Variants in PRKCE observed in about 807,000 individuals in gnomAD.
PRKCE encodes the protein protein kinase C epsilon type.
In PRKCE, 16 loss-of-function variants were observed where a neutral mutation model predicts 85.4. That is an observed-to-expected ratio of 0.19 (90% CI 0.13 to 0.28). PRKCE has a LOEUF of 0.28. PRKCE is among the 10% of genes least tolerant of loss of function. PRKCE has a pLI of 1.00. For missense variants in PRKCE, 573 were observed against 975.2 expected (o/e 0.59, Z 5.49); for synonymous variants, 388 against 371.5 (o/e 1.04, Z -0.51).
intron 1 of PRKCE, among the ~76,000 whole-genome samples, chr2:45,658,714 G>A (rs958302208): frequency 6.6e-6 from 1 of 152,214 alleles, no homozygotes; most frequent in Non-Finnish European, 1.5e-5. Context: ...AATATTTGAA[G>A]AGTCATTTGT....
intron 1 of PRKCE, among the ~76,000 whole-genome samples, chr2:45,762,309 A>G (rs919269993): frequency 2.0e-5 from 3 of 152,158 alleles, no homozygotes; most frequent in African/African-American, 7.2e-5. Context: ...GGGTCTCACT[A>G]TGCTGGGAAA....
chr2:45,718,037 G>C (rs551907915), intron 1 of PRKCE, among the ~76,000 whole-genome samples: 1 of 152,338 alleles, frequency 6.6e-6, no homozygotes, highest in Non-Finnish European at 1.5e-5. Context: ...AATTTACCAA[G>C]GTTCTCAGCT....
At chr2:46,050,251 T>C (rs1018284913) in intron 10 of PRKCE, among the ~76,000 whole-genome samples, 1 of 152,236 alleles carries the variant, frequency 6.6e-6, no homozygotes, top group South Asian at 2.1e-4. Context: ...TAATTTCTTA[T>C]GAGCCCTTTG....
In PRKCE at chr2:45,950,374, T is replaced by C. The variant is rs573821225; in HGVS notation, c.413-26055T>C. Among the ~76,000 whole-genome samples, 4 of 152,362 alleles carry C rather than the reference T, an allele frequency of 2.6e-5. No homozygotes were observed. The East Asian group carries it at 7.7e-4, about 29-fold the overall frequency. ...GGGACATCAGCCAATCTCTGGTCTT[T>C]AGGAGAATGCATTTTATTCCCACTT... On this transcript the variant is annotated intron_variant, in intron 2 of 14. Coordinates refer to ENST00000306156, the MANE Select transcript of PRKCE (RefSeq NM_005400.3).
chr2:45,714,469 T>C (rs1358873378), intron 1 of PRKCE, among the ~76,000 whole-genome samples: 1 of 152,230 alleles, frequency 6.6e-6, no homozygotes, highest in Non-Finnish European at 1.5e-5. Context: ...CTTGATGTGC[T>C]CAAGGTCAAA....
intron 10 of PRKCE, among the ~76,000 whole-genome samples, chr2:46,077,799 T>C (rs2103808319): frequency 6.6e-6 from 1 of 152,336 alleles, no homozygotes; most frequent in East Asian, 1.9e-4. Flanking sequence ...AATCCTTCTT[T>C]CTATTACCCA....
At chr2:45,916,822 G>A (rs1697821439) in intron 2 of PRKCE, among the ~76,000 whole-genome samples, 2 of 152,168 alleles carry the variant, frequency 1.3e-5, no homozygotes, top group Admixed American at 1.3e-4. Flanking sequence ...CACGCTGAGT[G>A]TTACAGCTCT....
chr2:45,698,719 T>C (rs1406624295), intron 1 of PRKCE, among the ~76,000 whole-genome samples: 2 of 152,092 alleles, frequency 1.3e-5, no homozygotes, highest in African/African-American at 4.8e-5. Context: ...GCAAATGCCA[T>C]GTATCCTAGG....
chr2:46,175,468 C>T (rs1679332084), intron 14 of PRKCE, among the ~76,000 whole-genome samples: 1 of 152,182 alleles, frequency 6.6e-6, no homozygotes, highest in African/African-American at 2.4e-5. Context: ...CTACTGTTCT[C>T]GCCACTTGAT....
At chr2:45,720,148 G>C (rs988925868) in intron 1 of PRKCE, among the ~76,000 whole-genome samples, 4 of 152,110 alleles carry the variant, frequency 2.6e-5, no homozygotes, top group African/African-American at 9.7e-5. Context: ...GGAGGGAGAG[G>C]GGCTGGAGGG....
At chr2:46,049,489 T>G (rs756969969) in intron 10 of PRKCE, among the ~76,000 whole-genome samples, 4 of 152,194 alleles carry the variant, frequency 2.6e-5, no homozygotes, top group African/African-American at 9.6e-5. Context: ...CATCTTGCAA[T>G]TAACTGTGAG....
At chr2:45,843,920 GAAAC>G (rs988746311) in intron 2 of PRKCE, among the ~76,000 whole-genome samples, 2 of 152,202 alleles carry the variant, frequency 1.3e-5, no homozygotes, top group Admixed American at 6.5e-5. Flanking sequence ...TTGGCAGTGA[GAAAC>G]AAACAGTGTT....
At chr2:45,930,839 G>T (rs12185651) in intron 2 of PRKCE, among the ~76,000 whole-genome samples, 38,286 of 151,976 alleles carry the variant, frequency 0.25, 5,981 homozygotes, top group South Asian at 0.37. Context: ...TTGATGTGCA[G>T]TCCCCCTAAG....
intron 10 of PRKCE, among the ~76,000 whole-genome samples, chr2:46,036,915 G>T (rs1278964473): frequency 6.6e-6 from 1 of 152,194 alleles, no homozygotes; most frequent in Non-Finnish European, 1.5e-5. Flanking sequence ...TGTAAAACCA[G>T]TGGAAGCCTG....
intron 2 of PRKCE, among the ~76,000 whole-genome samples, chr2:45,924,625 T>C (rs188962152): frequency 1.9e-3 from 291 of 152,286 alleles, no homozygotes; most frequent in African/African-American, 6.8e-3. Flanking sequence ...GGTTTTGTGA[T>C]GGTTGAAAGG....
chr2:45,757,455 A>T (rs1326816035), intron 1 of PRKCE, among the ~76,000 whole-genome samples: 2 of 151,988 alleles, frequency 1.3e-5, no homozygotes, highest in African/African-American at 2.4e-5. Context: ...TTGCGTGTGG[A>T]CAGGAGTTTA....
intron 1 of PRKCE, among the ~76,000 whole-genome samples, chr2:45,790,877 G>T (rs574643305): frequency 1.3e-5 from 2 of 152,206 alleles, no homozygotes; most frequent in Non-Finnish European, 2.9e-5. Flanking sequence ...GATGGTGCTG[G>T]TGGTGGTAAG....
chr2:45,824,597 C>T (rs569033248), intron 1 of PRKCE, among the ~76,000 whole-genome samples: 12 of 152,196 alleles, frequency 7.9e-5, no homozygotes, highest in African/African-American at 2.4e-4. Flanking sequence ...TCCCTCCCTC[C>T]CTCATTTCCT....
chr2:45,755,991 C>T (rs530411419), intron 1 of PRKCE, among the ~76,000 whole-genome samples: 1 of 152,346 alleles, frequency 6.6e-6, no homozygotes, highest in South Asian at 2.1e-4. Flanking sequence ...TGCATCCCCA[C>T]TGCTGGGTAT....
Sources: allele counts gnomAD v4.1 joint callset (sites outside exome capture counted in the v4.1 genomes callset), GRCh38; gene constraint gnomAD v4.1.1; transcripts MANE v1.5; gene names NCBI Gene and HGNC (gene_info 2026-07-23, HGNC 2026-07-21).